CORO2B: variants seen among roughly 807,000 people sequenced by gnomAD.
CORO2B encodes the protein coronin-2B.
A neutral mutation model predicts 58.8 loss-of-function variants in CORO2B; 26 were observed. The ratio of observed to expected loss-of-function variants is 0.44; its 90% CI spans 0.32 to 0.61. CORO2B has a LOEUF of 0.61. Ranked by LOEUF, CORO2B falls within the 20% of genes least tolerant of loss-of-function variation. CORO2B has a pLI of 0.04. For missense variants in CORO2B, 460 were observed against 645.1 expected, an observed-to-expected ratio of 0.71 and a Z score of 3.11; for synonymous variants, 242 against 253.8, an observed-to-expected ratio of 0.95 and a Z score of 0.44.
chr15:68,727,281 C>T lies in CORO2B; in HGVS notation c.*1307C>T, dbSNP rs544983580. On this transcript the variant is annotated 3_prime_UTR_variant, in exon 12 of 12. Coordinates refer to ENST00000261861, the MANE Select transcript of CORO2B (RefSeq NM_006091.5). ...TACTCCCTTCTGCAGATGAGGAAAC[C>T]GAGAGAAGTGGCCCAAGGTCACGCA... 7.9e-5 allele frequency: 12 copies of T among 152,736 alleles called. No homozygotes were observed. The East Asian group carries it at 1.7e-3, about 22-fold the overall frequency. The allele number at this position is 152,736 out of a possible 1,614,324, so 9.5% of individuals were successfully genotyped here. A position where few individuals can be genotyped will look rare whatever the true frequency, so the allele number is the denominator to read the frequency against.
chr15:68,682,445 G>GT (rs137940030), intron 2 of CORO2B, among the ~76,000 whole-genome samples: 6,280 of 152,128 alleles, frequency 0.041, 288 homozygotes, highest in African/African-American at 0.11. Context: ...CTACAGAGAG[G>GT]TACAGGGAGT....
At chr15:68,559,854 C>A in the CORO2B span, among the ~76,000 whole-genome samples, 1 of 152,212 alleles carries the variant, frequency 6.6e-6, no homozygotes, top group Admixed American at 6.5e-5. This position sits in a 1 kb window ranked among gnomAD's most constrained non-coding sequence, Gnocchi z 4.3. Context: ...CGCGCGCGCA[C>A]GGAGAGCACA....
At chr15:68,641,021 C>T (rs12901345) in intron 1 of CORO2B, among the ~76,000 whole-genome samples, 76,482 of 151,854 alleles carry the variant, frequency 0.5, 19,900 homozygotes, top group East Asian at 0.58. Context: ...GTGGAGCCAT[C>T]GATCAACAGC....
chr15:68,684,636 C>T (rs1307292096), intron 2 of CORO2B, among the ~76,000 whole-genome samples: 2 of 152,274 alleles, frequency 1.3e-5, no homozygotes, highest in Admixed American at 6.5e-5. Flanking sequence ...GACCCCCTCC[C>T]GCCCCTGCAT....
Position 68,726,066 on chromosome 15 carries a change from C to G in CORO2B, c.*92C>G. On this transcript the variant is annotated 3_prime_UTR_variant, in exon 12 of 12. Transcript: ENST00000261861. Reference sequence around the variant, plus strand: ...TTACCAGTGACCCCAGAGACAGAGCCAGGACAGGAGTGGGGGCCAGCCTGA... The same window carrying G: ...TTACCAGTGACCCCAGAGACAGAGCGAGGACAGGAGTGGGGGCCAGCCTGA... The G allele has an allele frequency of 6.5e-7, 1 of 1,548,042 alleles. No individual in the cohort carries two copies. The highest frequency in any genetic ancestry group is 1.2e-5 in the South Asian group (1 of 86,230).
chr15:68,565,976 AAT>A, the CORO2B span, among the ~76,000 whole-genome samples: 2 of 152,184 alleles, frequency 1.3e-5, no homozygotes, highest in Admixed American at 1.3e-4. Context: ...GGTGCTAACG[AAT>A]TCCCGCAGCC....
At chr15:68,614,035 T>A (rs1031846298) in intron 1 of CORO2B, among the ~76,000 whole-genome samples, 2 of 152,338 alleles carry the variant, frequency 1.3e-5, no homozygotes, top group African/African-American at 4.8e-5. Flanking sequence ...CTTAAAGGTG[T>A]CATCAGTGGA....
the CORO2B span, among the ~76,000 whole-genome samples, chr15:68,568,584 A>T: frequency 1.3e-5 from 2 of 152,232 alleles, no homozygotes; most frequent in South Asian, 2.1e-4. Context: ...ATTTAAAAAC[A>T]TAATAGTACC....
chr15:68,615,551 C>T (rs1364641074), intron 1 of CORO2B, among the ~76,000 whole-genome samples: 1 of 152,202 alleles, frequency 6.6e-6, no homozygotes, highest in Non-Finnish European at 1.5e-5. Flanking sequence ...ATGTTGAAAT[C>T]TTAACCCCTA....
intron 2 of CORO2B, among the ~76,000 whole-genome samples, chr15:68,679,759 T>C (rs1478154928): frequency 1.3e-5 from 2 of 151,978 alleles, no homozygotes; most frequent in African/African-American, 2.4e-5. Flanking sequence ...TCAACCAACC[T>C]CCACAGATGC....
At chr15:68,552,469 C>CG in the CORO2B span, among the ~76,000 whole-genome samples, 840 of 8,304 alleles carry the variant, frequency 0.1, 8 homozygotes, top group African/African-American at 0.22. Flanking sequence ...TAGGAGGACG[C>CG]GGGGGGGTGG....
At chr15:68,653,551 G>A (rs1220857234) in intron 2 of CORO2B, among the ~76,000 whole-genome samples, 1 of 152,126 alleles carries the variant, frequency 6.6e-6, no homozygotes, top group Non-Finnish European at 1.5e-5. Flanking sequence ...TACAGGGGCT[G>A]CCCACACTGA....
chr15:68,671,460 C>T (rs1902392759), intron 2 of CORO2B, among the ~76,000 whole-genome samples: 1 of 152,174 alleles, frequency 6.6e-6, no homozygotes, highest in Non-Finnish European at 1.5e-5. Context: ...GCCTGTTCTG[C>T]CTCCCTCACA....
intron 1 of CORO2B, among the ~76,000 whole-genome samples, chr15:68,586,010 TC>T (rs1045230573): frequency 5.9e-5 from 9 of 152,172 alleles, no homozygotes; most frequent in African/African-American, 2.2e-4. Flanking sequence ...CAGCCTTTTC[TC>T]GAGTTAGCCC....
chr15:68,617,349 C>G (rs559068854), intron 1 of CORO2B, among the ~76,000 whole-genome samples: 1 of 152,324 alleles, frequency 6.6e-6, no homozygotes, highest in East Asian at 1.9e-4. Flanking sequence ...CTGTGTTTTT[C>G]AAGCACTTTT....
the CORO2B span, among the ~76,000 whole-genome samples, chr15:68,521,638 T>C: frequency 5.3e-5 from 8 of 152,340 alleles, no homozygotes; most frequent in African/African-American, 1.9e-4. Flanking sequence ...GAATCCTAGA[T>C]TGTCAATTAT....
intron 2 of CORO2B, among the ~76,000 whole-genome samples, chr15:68,690,651 T>C (rs928209147): frequency 2.1e-5 from 3 of 146,146 alleles, no homozygotes; most frequent in African/African-American, 5.2e-5. Flanking sequence ...GCTTTCTTTT[T>C]TTTTTTTTTT....
chr15:68,625,812 C>T (rs1595975438), intron 1 of CORO2B, among the ~76,000 whole-genome samples: 1 of 152,026 alleles, frequency 6.6e-6, no homozygotes, highest in East Asian at 1.9e-4. Flanking sequence ...ACCATGTTGC[C>T]CAGGCTGGTC....
chr15:68,623,327 G>A (rs916528998), intron 1 of CORO2B, among the ~76,000 whole-genome samples: 1 of 152,168 alleles, frequency 6.6e-6, no homozygotes, highest in African/African-American at 2.4e-5. Context: ...CAATAGAGCA[G>A]GGGCCTTGAC....
Sources: allele counts gnomAD v4.1 joint callset (sites outside exome capture counted in the v4.1 genomes callset), GRCh38; gene constraint gnomAD v4.1.1; non-coding constraint Gnocchi (gnomAD v3.1); transcripts MANE v1.5; gene names NCBI Gene and HGNC (gene_info 2026-07-23, HGNC 2026-07-21).